Variants in PTPN2 observed in about 807,000 individuals in gnomAD.
The protein encoded by PTPN2 is tyrosine-protein phosphatase non-receptor type 2.
Under a neutral mutation model 57.3 loss-of-function variants are expected in PTPN2, and 19 were observed. The observed-to-expected ratio is 0.33, with a 90% confidence interval of 0.23 to 0.49. PTPN2 has a LOEUF of 0.49. Among genes scored for constraint, PTPN2 ranks in the 20% least tolerant of loss-of-function variants. PTPN2 has a pLI of 0.99. For missense variants in PTPN2, 358 were observed against 501.1 expected, an observed-to-expected ratio of 0.71 and a Z score of 2.73; for synonymous variants, 153 against 164.9, an observed-to-expected ratio of 0.93 and a Z score of 0.55.
chr18:12,852,354 G>A (rs111469361), intron 2 of PTPN2, among the ~76,000 whole-genome samples: 57 of 152,230 alleles, frequency 3.7e-4, no homozygotes, highest in Non-Finnish European at 6.3e-4. Flanking sequence ...AAATTTGGTG[G>A]TAGTCTCTAA....
At chr18:12,808,179 C>A (rs543734192) in intron 7 of PTPN2, among the ~76,000 whole-genome samples, 1 of 151,812 alleles carries the variant, frequency 6.6e-6, no homozygotes, top group South Asian at 2.1e-4. Flanking sequence ...AGAATGAGAC[C>A]CTATCTCGAA....
chr18:12,877,953 CT>C (rs1256738052), intron 1 of PTPN2, among the ~76,000 whole-genome samples: 8 of 152,086 alleles, frequency 5.3e-5, no homozygotes, highest in African/African-American at 1.9e-4. Flanking sequence ...TGGCGTGAAC[CT>C]GGGAGGCAGA....
intron 8 of PTPN2, among the ~76,000 whole-genome samples, chr18:12,795,382 C>T (rs2041136497): frequency 6.6e-6 from 1 of 152,198 alleles, no homozygotes; most frequent in South Asian, 2.1e-4. Context: ...CAACCCCCGC[C>T]TTCCGGGTTC....
At chr18:12,804,786 G>A (rs1276718777) in intron 7 of PTPN2, among the ~76,000 whole-genome samples, 1 of 152,120 alleles carries the variant, frequency 6.6e-6, no homozygotes, top group Non-Finnish European at 1.5e-5. Flanking sequence ...CTTCATGGCT[G>A]AATTCTAACA....
At chr18:12,810,193 T>C (rs564272735) in intron 7 of PTPN2, among the ~76,000 whole-genome samples, 22 of 151,932 alleles carry the variant, frequency 1.4e-4, no homozygotes, top group African/African-American at 4.8e-4. Context: ...GGAGAAACCC[T>C]GTCTCTACTA....
rs1164399953 is a variant in PTPN2 at position 12,796,713 on chromosome 18, G to GT, written c.1041-2229dup. 3.3e-5 allele frequency among the ~76,000 whole-genome samples: 5 copies of GT among 152,040 alleles called. 1 individual carries two copies. The highest frequency in any genetic ancestry group is 4.2e-4 in the South Asian group (2 of 4,818). ...TGCTATGCAGAACTTTGTTCTTGCC[G>GT]TTTTTTTGCTGTTCTCCAAATTTGT... On this transcript the variant is annotated intron_variant, in intron 8 of 8. Transcript: ENST00000309660.
At chr18:12,844,566 G>A (rs2043153399) in intron 2 of PTPN2, among the ~76,000 whole-genome samples, 1 of 152,112 alleles carries the variant, frequency 6.6e-6, no homozygotes, top group Non-Finnish European at 1.5e-5. Flanking sequence ...TCTGCCATCT[G>A]TGTCATATCT....
In PTPN2 at chr18:12,840,951, C is replaced by G. The variant is rs560345575; in HGVS notation, c.161-4060G>C. 436 of 1,475,662 alleles carry G rather than the reference C, an allele frequency of 3.0e-4. 1 individual carries two copies. Among genetic ancestry groups the G allele is most frequent in the Non-Finnish European group, 3.6e-4 (404 of 1,115,390 alleles). The allele number at this position is 1,475,662 out of a possible 1,614,324, so 91.4% of individuals were successfully genotyped here. Reference sequence around the variant, plus strand: ...CCTCCATGATGAACTGGTCTGTTCCCTGCATTGAATACTTTCAGCAATCAT... The same window carrying G: ...CCTCCATGATGAACTGGTCTGTTCCGTGCATTGAATACTTTCAGCAATCAT... On this transcript the variant is annotated intron_variant, in intron 2 of 8. Coordinates refer to ENST00000309660, the MANE Select transcript of PTPN2 (RefSeq NM_002828.4).
At chr18:12,871,094 C>T (rs1366423742) in intron 1 of PTPN2, among the ~76,000 whole-genome samples, 2 of 152,148 alleles carry the variant, frequency 1.3e-5, no homozygotes, top group African/African-American at 4.8e-5. Flanking sequence ...TATTAGCATA[C>T]TGTTTTGCAC....
intron 1 of PTPN2, among the ~76,000 whole-genome samples, chr18:12,859,766 T>C (rs1192746021): frequency 6.6e-6 from 1 of 152,240 alleles, no homozygotes; most frequent in Non-Finnish European, 1.5e-5. Context: ...TAACTGTTAC[T>C]TTATTTTGAA....
At chr18:12,870,704 T>A (rs1351127626) in intron 1 of PTPN2, among the ~76,000 whole-genome samples, 1 of 150,788 alleles carries the variant, frequency 6.6e-6, no homozygotes, top group African/African-American at 2.4e-5. Context: ...AGAGACGGGG[T>A]TTCACCGTGT....
intron 1 of PTPN2, among the ~76,000 whole-genome samples, chr18:12,861,328 T>A (rs1452424127): frequency 6.6e-6 from 1 of 152,218 alleles, no homozygotes; most frequent in Non-Finnish European, 1.5e-5. Context: ...TTAATACCAT[T>A]TATTGGTTTC....
At chr18:12,870,581 T>C (rs1224322527) in intron 1 of PTPN2, among the ~76,000 whole-genome samples, 1 of 141,266 alleles carries the variant, frequency 7.1e-6, no homozygotes, top group Non-Finnish European at 1.5e-5. Flanking sequence ...CGATCTTGGC[T>C]TACTGCAAGC....
chr18:12,815,249 T>TA (rs1213560494), intron 6 of PTPN2, among the ~76,000 whole-genome samples: 1 of 151,492 alleles, frequency 6.6e-6, no homozygotes, highest in Admixed American at 6.6e-5. Context: ...CCGTCTCTAC[T>TA]AAAAATACAA....
chr18:12,872,960 C>T (rs889863086), intron 1 of PTPN2, among the ~76,000 whole-genome samples: 1 of 152,188 alleles, frequency 6.6e-6, no homozygotes, highest in Non-Finnish European at 1.5e-5. Flanking sequence ...GTGGCTCACG[C>T]CTGTAATCCC....
intron 8 of PTPN2, among the ~76,000 whole-genome samples, chr18:12,800,458 A>G (rs2041374832): frequency 6.6e-6 from 1 of 152,182 alleles, no homozygotes; most frequent in Non-Finnish European, 1.5e-5. Context: ...AAGATATTCT[A>G]TTTAAGATGA....
At chr18:12,883,316 C>T (rs1437529816) in intron 1 of PTPN2, among the ~76,000 whole-genome samples, 2 of 152,246 alleles carry the variant, frequency 1.3e-5, no homozygotes, top group African/African-American at 4.8e-5. Flanking sequence ...CAAGCAAAGC[C>T]TCTTTCGTTC....
At chr18:12,786,096 T>C (rs1435652035) in intron 9 of PTPN2, 1 of 493,776 alleles carries the variant, frequency 2.0e-6, no homozygotes, top group Admixed American at 4.1e-5. Context: ...ATATTCTTCT[T>C]CAAGAATTAT....
At chr18:12,841,001 A>G in intron 2 of PTPN2, 1 of 1,419,174 alleles carries the variant, frequency 7.0e-7, no homozygotes, top group African/African-American at 1.4e-5. Flanking sequence ...CAACAAACAT[A>G]TTTTAACCTA....
Sources: gnomAD v4.1 joint callset for allele counts (sites outside exome capture counted in the v4.1 genomes callset) on GRCh38, gnomAD v4.1.1 for gene constraint, MANE v1.5 for transcripts, NCBI Gene and HGNC (gene_info 2026-07-23, HGNC 2026-07-21) for gene names.